Variants in DHRS1 observed in about 807,000 individuals in gnomAD.
DHRS1 encodes the protein dehydrogenase/reductase 1.
A neutral mutation model predicts 35.2 loss-of-function variants in DHRS1; 34 were observed. The ratio of observed to expected loss-of-function variants is 0.97; its 90% confidence interval spans 0.74 to 1.29. DHRS1 has a LOEUF of 1.29. DHRS1 is among the 50% of genes most tolerant of loss of function. DHRS1 has a pLI of 0.00. For synonymous variants in DHRS1, 133 were observed against 160.0 expected, an observed-to-expected ratio of 0.83 and a Z score of 1.27; for missense variants, 354 against 403.6, an observed-to-expected ratio of 0.88 and a Z score of 1.05.
At chr14:24,291,383 C>T (rs1479324553) in intron 7 of DHRS1, 164 bp from the exon 8 acceptor site, 1 of 1,029,646 alleles carries the variant, frequency 9.7e-7, no homozygotes, top group Non-Finnish European at 1.5e-6. Flanking sequence ...CAGGAGCCTG[C>T]TCCTAAGGCT....
chr14:24,291,561 G>GCCAAAGCCA lies in DHRS1; in HGVS notation c.710_718dup (p.Val237_Leu239dup). 1 of 1,614,160 alleles carries GCCAAAGCCA rather than the reference G, an allele frequency of 6.2e-7. No individual in the cohort carries two copies. The highest frequency in any genetic ancestry group is 8.5e-7 in the Non-Finnish European group (1 of 1,180,014). ...CAGCTGCCCCCAAACTTCACCTGTTGCCAAAGCCACCACACATTTGCCACT... is the reference window on the plus strand; with the variant it reads ...CAGCTGCCCCCAAACTTCACCTGTTGCCAAAGCCACCAAAGCCACCACACATTTGCCACT... On this transcript the variant is annotated inframe_insertion, in exon 7 of 9. Coordinates refer to ENST00000288111, the MANE Select transcript of DHRS1 (RefSeq NM_001136050.3).
At position 24,299,716 on chromosome 14, in the gene DHRS1, T is replaced by A; in HGVS notation, c.-160A>T. The A allele has an allele frequency of 2.0e-6, 1 of 503,854 alleles. No individual in the cohort carries two copies. Among genetic ancestry groups the A allele is most frequent in the South Asian group, 3.3e-5 (1 of 30,174 alleles). The allele number at this position is 503,854 out of a possible 1,614,324, so 31.2% of individuals were successfully genotyped here. ...TGTAGTAGGACCCGGGGCGATTCTG[T>A]GCTGAGGTAGAGGGGCAGAGTCCCA... is the stretch of plus-strand genomic sequence containing the variant. On this transcript the variant is annotated 5_prime_UTR_variant, in exon 1 of 9. Coordinates refer to ENST00000288111, the MANE Select transcript of DHRS1 (RefSeq NM_001136050.3).
chr14:24,297,317 C>A (rs1187087832), intron 2 of DHRS1, among the ~76,000 whole-genome samples: 2 of 152,192 alleles, frequency 1.3e-5, no homozygotes, highest in African/African-American at 2.4e-5. Context: ...GTCTTACCCT[C>A]ACTCCACCAA....
chr14:24,296,895 G>A lies in DHRS1; in HGVS notation c.151-14C>T. The A allele has an allele frequency of 6.2e-7, 1 of 1,612,400 alleles. No individual in the cohort carries two copies. The highest frequency in any genetic ancestry group is 1.1e-5 in the South Asian group (1 of 90,898). On this transcript the variant is annotated splice_polypyrimidine_tract_variant and intron_variant, in intron 2 of 8. Transcript: ENST00000288111. ...GAGGGATTGTGCCTGGAGTAGGACA[G>A]GGGATATGAGCTCACATTCACACAT...
chr14:24,291,382 G>T, intron 7 of DHRS1, 163 bp from the exon 8 acceptor site: 1 of 1,025,354 alleles, frequency 9.8e-7, no homozygotes, highest in Non-Finnish European at 1.5e-6. Context: ...CCAGGAGCCT[G>T]CTCCTAAGGC....
rs761477205 is a variant in DHRS1, at chr14:24,298,998, T to A, written c.109A>T (p.Thr37Ser). 49 of 1,613,278 alleles carry A rather than the reference T, an allele frequency of 3.0e-5. No homozygotes were observed. The highest frequency in any genetic ancestry group is 4.2e-5 in the Non-Finnish European group (49 of 1,179,412). ...LCKAGATVYI[T>S]GRHLDTLRVV... ...CGAAGGGTGTCCAGATGGCGGCCAG[T>A]GATGTAAACTGTGGCGCCTGCTTTG... The change falls in exon 2 of 9, where the codon ACT becomes TCT. Residue 37 changes from threonine (T) to serine (S), a missense_variant. Physicochemically the swap from Thr to Ser is moderately conservative, Grantham distance 58. Transcript: ENST00000288111.
At position 24,291,229 on chromosome 14, in the gene DHRS1, C is replaced by A. The variant is rs769942715; in HGVS notation, c.725-10G>T. The A allele has an allele frequency of 3.1e-6, 5 of 1,613,932 alleles. No homozygotes were observed. The East Asian group carries it at 6.7e-5, about 22-fold the overall frequency. ...CTCAGGATATTGGGATCTGCGGGCA[C>A]ACAGACAGGTGGAGATGGCAGGCAG... On this transcript the variant is annotated splice_polypyrimidine_tract_variant and intron_variant, in intron 7 of 8. Coordinates refer to ENST00000288111, the MANE Select transcript of DHRS1 (RefSeq NM_001136050.3).
At position 24,299,014 on chromosome 14, in the gene DHRS1, G is replaced by T. The variant is rs150092528; in HGVS notation, c.93C>A (p.Gly31=). Residue 31 remains glycine (G), a synonymous_variant, in exon 2 of 9, where the codon GGC becomes GGA. Coordinates refer to ENST00000288111, the MANE Select transcript of DHRS1 (RefSeq NM_001136050.3). The stretch of plus-strand genomic sequence containing the variant: ...GGCGGCCAGTGATGTAAACTGTGGC[G>T]CCTGCTTTGCAGAGCTGCAAGGCAA... ...RGIALQLCKA[G]ATVYITGRHL... is the part of the protein sequence containing the mutation. 26 of 1,613,808 alleles carry T rather than the reference G, an allele frequency of 1.6e-5. No homozygotes were observed. The African/African-American group carries it at 2.3e-4, about 14-fold the overall frequency.
intron 4 of DHRS1, 103 bp downstream of exon 4, chr14:24,296,405 TG>T (rs1353065643): frequency 3.6e-6 from 4 of 1,105,906 alleles, no homozygotes; most frequent in African/African-American, 3.1e-5. Flanking sequence ...AAGAAAGAGA[TG>T]GGGGAGGCCG....
chr14:24,291,213 T>C lies in DHRS1; in HGVS notation c.731A>G (p.Asn244Ser), dbSNP rs2041152482. 2 of 1,614,022 alleles carry C rather than the reference T, an allele frequency of 1.2e-6. No individual in the cohort carries two copies. The highest frequency in any genetic ancestry group is 1.7e-5 in the Admixed American group (1 of 60,016). The change falls in exon 8 of 9, where the codon AAT becomes AGT. Residue 244 changes from asparagine (N) to serine (S), a missense_variant. Coordinates refer to ENST00000288111, the MANE Select transcript of DHRS1 (RefSeq NM_001136050.3). ...CACCTTACCACTCAGGCTCAGGATATTGGGATCTGCGGGCACACAGACAGG... is the reference window on the plus strand; with the variant it reads ...CACCTTACCACTCAGGCTCAGGATACTGGGATCTGCGGGCACACAGACAGG... Reference protein sequence around the residue: ...KCVVALATDPNILSLSGKVLP... With the variant: ...KCVVALATDPSILSLSGKVLP...
At chr14:24,298,372 G>A (rs903561860) in intron 2 of DHRS1, among the ~76,000 whole-genome samples, 1 of 152,150 alleles carries the variant, frequency 6.6e-6, no homozygotes, top group Admixed American at 6.5e-5. Context: ...TCTTTGAAGA[G>A]CAGAAATTAG....
intron 4 of DHRS1, among the ~76,000 whole-genome samples, chr14:24,296,192 T>C (rs752489035): frequency 3.8e-4 from 58 of 152,338 alleles, no homozygotes; most frequent in Non-Finnish European, 6.6e-4. Flanking sequence ...TTTGAAAGTA[T>C]AGACTACAGG....
intron 3 of DHRS1, 53 bp from the exon 4 acceptor site, chr14:24,296,641 G>A (rs2041252635): frequency 6.2e-7 from 1 of 1,613,410 alleles, no homozygotes; most frequent in Non-Finnish European, 8.5e-7. Context: ...AGGTGTGAGG[G>A]GCTGGGTAAT....
chr14:24,291,416 C>T, intron 7 of DHRS1, 140 bp downstream of exon 7: 1 of 1,107,460 alleles, frequency 9.0e-7, no homozygotes. Context: ...ACTGGGAATG[C>T]TGACCCCTTG....
chr14:24,291,156 C>A lies in DHRS1; in HGVS notation c.788G>T (p.Gly263Val). ...GTCCTCACCGTCCACATCCCGAAGG[C>A]CATAGCGTCGAGCAAGGTCACAGGA... ...LPSCDLARRYGLRDVDGRPVQ... is the reference protein window; with the variant it reads ...LPSCDLARRYVLRDVDGRPVQ... The change falls in exon 8 of 9, where the codon GGC (glycine) becomes GTC (valine). Residue 263 changes from glycine to valine, a missense_variant. By Grantham distance (109) the Gly-to-Val change is moderately radical (BLOSUM62 -3). Coordinates refer to ENST00000288111, the MANE Select transcript of DHRS1 (RefSeq NM_001136050.3). 6.2e-7 allele frequency: 1 copy of A among 1,614,172 alleles called. No homozygotes were observed. Among genetic ancestry groups the A allele is most frequent in the South Asian group, 1.1e-5 (1 of 91,080 alleles).
At position 24,292,260 on chromosome 14, in the gene DHRS1, G is replaced by A. The variant is rs200961410; in HGVS notation, c.578C>T (p.Pro193Leu). 36 of 1,613,958 alleles carry A rather than the reference G, an allele frequency of 2.2e-5. No homozygotes were observed. The highest frequency in any genetic ancestry group is 1.6e-4 in the Middle Eastern group (1 of 6,084). The change falls in exon 6 of 9, where the codon CCG becomes CTG. Residue 193 changes from proline (P) to leucine (L), a missense_variant. Physicochemically the swap from Pro to Leu is moderately conservative, Grantham distance 98 (BLOSUM62 -3). Transcript: ENST00000288111. ...CAGCAGTTCTGTCTGCACAATCCCC[G>A]GCCACAGAGACACACAGCTGACCCC... ...RHGVSCVSLW[P>L]GIVQTELLKE...
At position 24,298,831 on chromosome 14, in the gene DHRS1, T is replaced by C. The variant is rs997020856; in HGVS notation, c.150+126A>G. ...TTTACGGGGTTTTTAATTTCCACTT[T>C]GAATAAATATTCACATCTTGTTGAG... On this transcript the variant is annotated intron_variant, in intron 2 of 8. Coordinates refer to ENST00000288111, the MANE Select transcript of DHRS1 (RefSeq NM_001136050.3). The C allele has an allele frequency of 1.7e-5, 19 of 1,148,330 alleles. 1 individual carries two copies. The African/African-American group carries it at 3.0e-4, about 18-fold the overall frequency. The allele number at this position is 1,148,330 out of a possible 1,614,324, so 71.1% of individuals were successfully genotyped here.
chr14:24,294,776 A>G (rs182126772), intron 4 of DHRS1: 2 of 152,372 alleles, frequency 1.3e-5, no homozygotes, highest in Non-Finnish European at 2.9e-5. Context: ...AAGAGCCAAT[A>G]AACAAAGGGG....
At position 24,296,778 on chromosome 14, in the gene DHRS1, C is replaced by T. The variant is rs755781423; in HGVS notation, c.254G>A (p.Arg85His). 12 of 1,614,082 alleles carry T rather than the reference C, an allele frequency of 7.4e-6. No individual in the cohort carries two copies. Among genetic ancestry groups the T allele is most frequent in the East Asian group, 2.2e-5 (1 of 44,898 alleles). The change falls in exon 3 of 9, where the codon CGT (arginine) becomes CAT (histidine). Residue 85 changes from arginine (R) to histidine (H), a missense_variant. By Grantham distance (29) the Arg-to-His change is conservative (BLOSUM62 0). Coordinates refer to ENST00000288111, the MANE Select transcript of DHRS1 (RefSeq NM_001136050.3). ...AGCATTGTTGACCAGCACATCTAGA[C>T]GCCCTTGCTGTTCCCGATCCACTTG... ...FEQVDREQQG[R>H]LDVLVNNAYA...
Sources: allele counts gnomAD v4.1 joint callset (sites outside exome capture counted in the v4.1 genomes callset), GRCh38; gene constraint gnomAD v4.1.1; transcripts MANE v1.5; gene names NCBI Gene and HGNC (gene_info 2026-07-23, HGNC 2026-07-21).